NELL1: variants seen among roughly 807,000 people sequenced by gnomAD.
NELL1 encodes the protein protein kinase C-binding protein NELL1.
A neutral mutation model predicts 107.4 loss-of-function variants in NELL1; 76 were observed. The observed-to-expected ratio is 0.71, with a 90% CI of 0.59 to 0.86. The LOEUF (loss-of-function observed/expected upper bound fraction) is 0.86. Ranked by LOEUF, NELL1 falls within the 40% of genes least tolerant of loss-of-function variation. The pLI is 0.00. For synonymous variants in NELL1, 353 were observed against 341.2 expected (o/e 1.03, Z -0.38); for missense variants, 1,024 against 1,005.5 (o/e 1.02, Z -0.25).
intron 15 of NELL1, among the ~76,000 whole-genome samples, chr11:21,469,263 A>G (rs1240507754): frequency 6.6e-6 from 1 of 151,954 alleles, no homozygotes; most frequent in Non-Finnish European, 1.5e-5. Context: ...TCACAAGACC[A>G]TTCTAGTTTT....
chr11:21,140,416 T>C (rs1386353416), intron 13 of NELL1, among the ~76,000 whole-genome samples: 1 of 152,174 alleles, frequency 6.6e-6, no homozygotes, highest in African/African-American at 2.4e-5. Context: ...AGATCACATA[T>C]GTAATTGTAT....
At chr11:20,987,763 CTA>C (rs950342600) in intron 12 of NELL1, among the ~76,000 whole-genome samples, 2 of 152,054 alleles carry the variant, frequency 1.3e-5, no homozygotes, top group African/African-American at 4.8e-5. Context: ...CATTTTTTTT[CTA>C]TCAGTATAAT....
chr11:20,773,466 A>G (rs953104336), intron 2 of NELL1: 5 of 151,912 alleles, frequency 3.3e-5, no homozygotes, highest in African/African-American at 7.3e-5. Context: ...CCAAGGTTAT[A>G]TACTTGATAA....
intron 10 of NELL1, among the ~76,000 whole-genome samples, chr11:20,938,612 G>C (rs2134186565): frequency 6.6e-6 from 1 of 152,272 alleles, no homozygotes; most frequent in East Asian, 1.9e-4. Flanking sequence ...GTGGGAGCCA[G>C]CCATGCAGGT....
chr11:20,718,243 G>A lies in NELL1; in HGVS notation c.184+40183G>A, dbSNP rs138439352. Among the ~76,000 whole-genome samples the A allele has an allele frequency of 7.7e-4, 117 of 152,252 alleles. 2 individuals carry two copies. The highest frequency in any genetic ancestry group is 2.6e-4 in the Non-Finnish European group (18 of 68,016). On this transcript the variant is annotated intron_variant, in intron 2 of 19. Coordinates refer to ENST00000357134, the MANE Select transcript of NELL1 (RefSeq NM_006157.5). ...CCAATCCTATAGTCACAAGCCACACGTGGCTATTGAGTAGTTAAAATGTGA... is the reference window on the plus strand; with the variant it reads ...CCAATCCTATAGTCACAAGCCACACATGGCTATTGAGTAGTTAAAATGTGA...
chr11:20,904,353 G>C, intron 5 of NELL1, among the ~76,000 whole-genome samples: 1 of 152,022 alleles, frequency 6.6e-6, no homozygotes, highest in East Asian at 1.9e-4. Context: ...ATCCTGATAT[G>C]ATCATTATAT....
chr11:21,264,326 G>A (rs2133926568), intron 14 of NELL1, among the ~76,000 whole-genome samples: 1 of 151,948 alleles, frequency 6.6e-6, no homozygotes, highest in African/African-American at 2.4e-5. Context: ...AATAACAGCT[G>A]TCTTGTAGTT....
chr11:20,699,930 C>T (rs1854729334), intron 2 of NELL1, among the ~76,000 whole-genome samples: 1 of 152,104 alleles, frequency 6.6e-6, no homozygotes, highest in East Asian at 1.9e-4. Context: ...TTATCACATC[C>T]ATGCCAACAC....
chr11:20,890,103 G>A (rs1849588261), intron 5 of NELL1, among the ~76,000 whole-genome samples: 1 of 152,056 alleles, frequency 6.6e-6, no homozygotes, highest in Non-Finnish European at 1.5e-5. Flanking sequence ...AATCCTACTG[G>A]CATCAGTTTG....
chr11:21,445,627 C>T (rs1183287884), intron 15 of NELL1, among the ~76,000 whole-genome samples: 3 of 152,148 alleles, frequency 2.0e-5, no homozygotes, highest in Non-Finnish European at 2.9e-5. Context: ...CCACAGCGCC[C>T]GGCCTATACC....
At chr11:21,374,718 C>T (rs1478651282) in intron 15 of NELL1, among the ~76,000 whole-genome samples, 1 of 152,090 alleles carries the variant, frequency 6.6e-6, no homozygotes, top group Non-Finnish European at 1.5e-5. Flanking sequence ...TGCTTTGGAA[C>T]CTTTTCCATA....
chr11:21,488,273 G>C (rs1161716129), intron 15 of NELL1, among the ~76,000 whole-genome samples: 1 of 151,896 alleles, frequency 6.6e-6, no homozygotes, highest in South Asian at 2.1e-4. Context: ...CGTATGTTAG[G>C]CAACACAAAA....
rs72943660 is a variant in NELL1, at chr11:20,804,828, G to A, written c.335+20998G>A. Among the ~76,000 whole-genome samples, 629 of 152,206 alleles carry A rather than the reference G, an allele frequency of 4.1e-3. 12 individuals carry two copies. The highest frequency in any genetic ancestry group is 3.8e-3 in the Non-Finnish European group (257 of 67,988). The stretch of plus-strand genomic sequence containing the variant: ...GTCTATAGAGCAGACTAAGTCCAAT[G>A]TTTTCTTTGTTGATTTCTATCTGAA... On this transcript the variant is annotated intron_variant, in intron 3 of 19. Transcript: ENST00000357134.
At chr11:21,463,478 T>C (rs1407059544) in intron 15 of NELL1, among the ~76,000 whole-genome samples, 4 of 152,092 alleles carry the variant, frequency 2.6e-5, no homozygotes, top group African/African-American at 7.2e-5. Flanking sequence ...TAAAAGTATA[T>C]TTGCTGTTCT....
intron 15 of NELL1, among the ~76,000 whole-genome samples, chr11:21,399,279 C>T (rs977114218): frequency 2.0e-5 from 3 of 151,466 alleles, no homozygotes; most frequent in African/African-American, 7.3e-5. Flanking sequence ...GGGTTCATTA[C>T]TAGTATCTAG....
At chr11:20,763,072 C>T (rs1856457150) in intron 2 of NELL1, among the ~76,000 whole-genome samples, 1 of 152,178 alleles carries the variant, frequency 6.6e-6, no homozygotes, top group Non-Finnish European at 1.5e-5. Context: ...GGCTTAGTGA[C>T]TCCTCATTTA....
rs569305002 is a variant in NELL1 at position 21,229,470 on chromosome 11, T to C, written c.1549+16T>C. 230 of 1,612,960 alleles carry C rather than the reference T, an allele frequency of 1.4e-4. 1 individual carries two copies. The South Asian group carries it at 2.5e-3, about 17-fold the overall frequency. On this transcript the variant is annotated intron_variant, in intron 14 of 19. Coordinates refer to ENST00000357134, the MANE Select transcript of NELL1 (RefSeq NM_006157.5). ...ATCTGCAGAGGTAGGCTTGCCGCCT[T>C]AGTGTTGAGTTGTGAGCAGCCATTC... is the stretch of plus-strand genomic sequence containing the variant.
chr11:21,506,309 T>C (rs184985728), intron 15 of NELL1, among the ~76,000 whole-genome samples: 2 of 152,292 alleles, frequency 1.3e-5, no homozygotes, highest in African/African-American at 4.8e-5. Context: ...AGCACAATAA[T>C]ATCTCAGACC....
intron 14 of NELL1, among the ~76,000 whole-genome samples, chr11:21,328,591 C>G (rs1356650290): frequency 6.6e-6 from 1 of 152,140 alleles, no homozygotes; most frequent in Admixed American, 6.5e-5. Flanking sequence ...GTTCTCCTGA[C>G]TCCAGAATGG....
Sources: gnomAD v4.1 joint callset for allele counts (sites outside exome capture counted in the v4.1 genomes callset) on GRCh38, gnomAD v4.1.1 for gene constraint, MANE v1.5 for transcripts, NCBI Gene and HGNC (gene_info 2026-07-23, HGNC 2026-07-21) for gene names.